Variants in XKR6 observed in about 807,000 individuals in gnomAD.
The protein encoded by XKR6 is XK related 6.
A neutral mutation model predicts 56.7 loss-of-function variants in XKR6; 22 were observed. The ratio of observed to expected loss-of-function variants is 0.39; its 90% CI spans 0.28 to 0.55. The LOEUF is 0.55. Ranked by LOEUF, XKR6 falls within the 20% of genes least tolerant of loss-of-function variation. The pLI is 0.66. For missense variants in XKR6, 852 were observed against 889.0 expected, an observed-to-expected ratio of 0.96 and a Z score of 0.53; for synonymous variants, 524 against 387.8, an observed-to-expected ratio of 1.35 and a Z score of -4.13.
intron 1 of XKR6, among the ~76,000 whole-genome samples, chr8:11,181,749 T>C (rs1239414910): frequency 2.6e-5 from 4 of 152,242 alleles, no homozygotes. Context: ...ATTCAGTACG[T>C]ACTTACTATA....
At chr8:11,151,608 G>A (rs1290167883) in intron 1 of XKR6, among the ~76,000 whole-genome samples, 3 of 152,064 alleles carry the variant, frequency 2.0e-5, no homozygotes, top group African/African-American at 7.2e-5. Context: ...GGCGCAGTCT[G>A]GAAGCCTGGT....
chr8:10,971,388 T>G (rs1270087324), intron 1 of XKR6, among the ~76,000 whole-genome samples: 1 of 151,980 alleles, frequency 6.6e-6, no homozygotes, highest in African/African-American at 2.4e-5. Context: ...ACCACTGCAC[T>G]CCAGCCTGGG....
chr8:10,989,429 G>A (rs1426024297), intron 1 of XKR6, among the ~76,000 whole-genome samples: 1 of 152,142 alleles, frequency 6.6e-6, no homozygotes, highest in South Asian at 2.1e-4. Context: ...TATGAGACCC[G>A]AGATGATTGA....
chr8:10,975,009 A>G (rs1802510700), intron 1 of XKR6, among the ~76,000 whole-genome samples: 1 of 152,198 alleles, frequency 6.6e-6, no homozygotes, highest in Non-Finnish European at 1.5e-5. Flanking sequence ...TAAAAAGAAC[A>G]TCTGGTTTCA....
chr8:10,975,486 C>A (rs116988915), intron 1 of XKR6, among the ~76,000 whole-genome samples: 2,199 of 152,362 alleles, frequency 0.014, 35 homozygotes, highest in Non-Finnish European at 0.021. Context: ...TTGCCCACTG[C>A]GAGAGTTTCC....
intron 1 of XKR6, among the ~76,000 whole-genome samples, chr8:11,049,484 C>T (rs1483213832): frequency 1.3e-5 from 2 of 152,190 alleles, no homozygotes; most frequent in East Asian, 1.9e-4. Flanking sequence ...TAGCCTCCTC[C>T]AGGGGTGGCT....
intron 1 of XKR6, among the ~76,000 whole-genome samples, chr8:11,099,470 T>C (rs973520218): frequency 6.6e-6 from 1 of 152,232 alleles, no homozygotes; most frequent in Non-Finnish European, 1.5e-5. Flanking sequence ...GAGGCAGGAA[T>C]GGCACTGCTG....
At chr8:11,114,575 G>C (rs534249356) in intron 1 of XKR6, among the ~76,000 whole-genome samples, 245 of 152,286 alleles carry the variant, frequency 1.6e-3, no homozygotes, top group African/African-American at 5.8e-3. Context: ...TGGCTGGGCT[G>C]GTCTTGAACT....
chr8:10,903,876 C>A (rs991795030), intron 2 of XKR6, among the ~76,000 whole-genome samples: 1 of 152,194 alleles, frequency 6.6e-6, no homozygotes, highest in Non-Finnish European at 1.5e-5. Flanking sequence ...TCAAAGCTTG[C>A]TGTGTGTTCT....
chr8:11,116,416 G>A (rs1051783666), intron 1 of XKR6, among the ~76,000 whole-genome samples: 25 of 152,126 alleles, frequency 1.6e-4, no homozygotes, highest in African/African-American at 5.8e-4. Context: ...TGTTATGCAG[G>A]CTGGAATGCA....
At chr8:10,980,452 T>G (rs1797702604) in intron 1 of XKR6, among the ~76,000 whole-genome samples, 1 of 152,236 alleles carries the variant, frequency 6.6e-6, no homozygotes, top group Admixed American at 6.5e-5. Context: ...CTCAGGAATG[T>G]CAGTTCCATG....
Position 11,200,436 on chromosome 8 carries a change from G to C in XKR6, c.764+140C>G. On this transcript the variant is annotated intron_variant, in intron 1 of 2. Coordinates refer to ENST00000416569, the MANE Select transcript of XKR6 (RefSeq NM_173683.4). The surrounding 1 kb of genome is among the most constrained non-coding windows in gnomAD (Gnocchi z 6.4). ...CCAGATCAAACGCCGGTCTTTTGGAGACGCCAGGGGCGGCGCGCGGCCGGT... is the reference window on the plus strand; with the variant it reads ...CCAGATCAAACGCCGGTCTTTTGGACACGCCAGGGGCGGCGCGCGGCCGGT... The C allele has an allele frequency of 8.6e-7, 1 of 1,156,270 alleles. No individual in the cohort carries two copies. Among genetic ancestry groups the C allele is most frequent in the East Asian group, 3.2e-5 (1 of 31,152 alleles). 71.6% of individuals were successfully genotyped at this position (1,156,270 alleles called of 1,614,324 possible). A position where few individuals can be genotyped will look rare whatever the true frequency, so the allele number is the denominator to read the frequency against.
intron 2 of XKR6, among the ~76,000 whole-genome samples, chr8:10,918,255 T>A (rs962443144): frequency 6.6e-6 from 1 of 152,208 alleles, no homozygotes; most frequent in African/African-American, 2.4e-5. Context: ...CAAGCTTAGC[T>A]TCCTAGTAAG....
chr8:11,065,989 G>A (rs543014324), intron 1 of XKR6, among the ~76,000 whole-genome samples: 33 of 152,340 alleles, frequency 2.2e-4, no homozygotes, highest in African/African-American at 7.7e-4. Flanking sequence ...ATGGCAAAGG[G>A]GTTGGGGAAG....
intron 1 of XKR6, among the ~76,000 whole-genome samples, chr8:11,174,563 A>C (rs762892102): frequency 6.6e-6 from 1 of 152,172 alleles, no homozygotes; most frequent in Non-Finnish European, 1.5e-5. Context: ...AATGAATACA[A>C]AATATTGTAA....
intron 1 of XKR6, among the ~76,000 whole-genome samples, chr8:11,034,701 C>A (rs1021137247): frequency 1.3e-5 from 2 of 152,202 alleles, no homozygotes; most frequent in African/African-American, 4.8e-5. Flanking sequence ...CCTGCTGGGA[C>A]AGCTGCCCCT....
chr8:11,143,564 A>C (rs1800816270), intron 1 of XKR6, among the ~76,000 whole-genome samples: 1 of 152,224 alleles, frequency 6.6e-6, no homozygotes, highest in African/African-American at 2.4e-5. Context: ...CAGTCTAAAA[A>C]CATTACCAAA....
At chr8:11,057,038 A>C (rs1799702678) in intron 1 of XKR6, among the ~76,000 whole-genome samples, 1 of 152,250 alleles carries the variant, frequency 6.6e-6, no homozygotes, top group Admixed American at 6.5e-5. Context: ...TACAAGGTGC[A>C]GCCATGTCAC....
At chr8:10,992,432 C>T (rs533973320) in intron 1 of XKR6, among the ~76,000 whole-genome samples, 3 of 152,282 alleles carry the variant, frequency 2.0e-5, no homozygotes, top group South Asian at 4.2e-4. Flanking sequence ...ATTCCCTCTC[C>T]GTGTGGAGGG....
Sources: allele counts gnomAD v4.1 joint callset (sites outside exome capture counted in the v4.1 genomes callset), GRCh38; gene constraint gnomAD v4.1.1; non-coding constraint Gnocchi (gnomAD v3.1); transcripts MANE v1.5; gene names NCBI Gene and HGNC (gene_info 2026-07-23, HGNC 2026-07-21).